CCSER1: variants seen among roughly 807,000 people sequenced by gnomAD.
CCSER1 encodes the protein serine-rich coiled-coil domain-containing protein 1.
Under a neutral mutation model 82.0 loss-of-function variants are expected in CCSER1, and 41 were observed. The ratio of observed to expected loss-of-function variants is 0.50; its 90% CI spans 0.39 to 0.65. CCSER1 has a LOEUF of 0.65. Ranked by LOEUF, CCSER1 falls within the 30% of genes least tolerant of loss-of-function variation. CCSER1 has a pLI of 0.00. For missense variants in CCSER1, 1,119 were observed against 1,064.2 expected, an observed-to-expected ratio of 1.05 and a Z score of -0.72; for synonymous variants, 414 against 383.9, an observed-to-expected ratio of 1.08 and a Z score of -0.92.
At chr4:91,271,934 A>G (rs4463033) in intron 10 of CCSER1, among the ~76,000 whole-genome samples, 13,407 of 152,090 alleles carry the variant, frequency 0.088, 732 homozygotes, top group African/African-American at 0.15. Flanking sequence ...TTGTATTTTT[A>G]GTAAAGACAG....
At chr4:91,031,766 T>G (rs182711676) in intron 9 of CCSER1, among the ~76,000 whole-genome samples, 348 of 152,268 alleles carry the variant, frequency 2.3e-3, no homozygotes, top group African/African-American at 7.0e-3. Context: ...TACCACAGAT[T>G]GTTTATAGCA....
chr4:90,169,020 T>G (rs1731099564), intron 1 of CCSER1, among the ~76,000 whole-genome samples: 1 of 151,962 alleles, frequency 6.6e-6, no homozygotes, highest in Non-Finnish European at 1.5e-5. Flanking sequence ...AAGAAAGTCA[T>G]TGGTAGCTTG....
intron 9 of CCSER1, among the ~76,000 whole-genome samples, chr4:90,954,854 C>G (rs768351510): frequency 4.6e-5 from 7 of 152,078 alleles, no homozygotes; most frequent in Non-Finnish European, 1.0e-4. Context: ...TCTAACTTCT[C>G]TCTTCATACA....
intron 9 of CCSER1, among the ~76,000 whole-genome samples, chr4:90,984,285 C>A (rs1317718683): frequency 6.6e-6 from 1 of 151,672 alleles, no homozygotes; most frequent in Non-Finnish European, 1.5e-5. Flanking sequence ...CTCACAATAA[C>A]CTTAAAGAAA....
At chr4:90,411,413 A>T (rs554937729) in intron 4 of CCSER1, among the ~76,000 whole-genome samples, 4 of 152,320 alleles carry the variant, frequency 2.6e-5, no homozygotes, top group Admixed American at 2.6e-4. Flanking sequence ...ACACATCAAA[A>T]TCTTATCCAC....
chr4:90,798,055 C>T lies in CCSER1; in HGVS notation c.2011-17707C>T, dbSNP rs148053189. Among the ~76,000 whole-genome samples the T allele has an allele frequency of 5.5e-3, 840 of 152,262 alleles. 6 individuals carry two copies. The highest frequency in any genetic ancestry group is 0.02 in the African/African-American group (818 of 41,546). On this transcript the variant is annotated intron_variant, in intron 7 of 10. Transcript: ENST00000509176. ...GTTGCTGAAGTTCTCATGGATAATACTCTGATTTATGTTTTCCAAGTTGGC... is the reference window on the plus strand; with the variant it reads ...GTTGCTGAAGTTCTCATGGATAATATTCTGATTTATGTTTTCCAAGTTGGC...
At chr4:90,846,965 G>A (rs938887805) in intron 8 of CCSER1, among the ~76,000 whole-genome samples, 9 of 152,058 alleles carry the variant, frequency 5.9e-5, no homozygotes, top group African/African-American at 2.4e-5. Flanking sequence ...GAAATATTAT[G>A]TTTATTATGT....
intron 3 of CCSER1, among the ~76,000 whole-genome samples, chr4:90,397,567 T>C (rs895031561): frequency 3.9e-5 from 6 of 152,144 alleles, no homozygotes; most frequent in Admixed American, 2.0e-4. Context: ...CTTAGACTGG[T>C]CTTGACTACA....
At chr4:91,109,316 A>G (rs1354860175) in intron 10 of CCSER1, among the ~76,000 whole-genome samples, 2 of 152,060 alleles carry the variant, frequency 1.3e-5, no homozygotes, top group East Asian at 1.9e-4. Context: ...TGATGTATCA[A>G]TCTATCATGT....
chr4:90,325,662 A>T lies in CCSER1; in HGVS notation c.1509+12615A>T, dbSNP rs189475938. The T allele has an allele frequency of 2.9e-5, 13 of 449,204 alleles. No individual in the cohort carries two copies. In the East Asian group the frequency reaches 7.0e-4, roughly 24 times the overall value. The allele number at this position is 449,204 out of a possible 1,614,324, so 27.8% of individuals were successfully genotyped here. Reference sequence around the variant, plus strand: ...AATTTGCAGCACAGAATTGACCTTCAGTAAACTAACTACCTGTTCTGAGGT... The same window carrying T: ...AATTTGCAGCACAGAATTGACCTTCTGTAAACTAACTACCTGTTCTGAGGT... On this transcript the variant is annotated intron_variant, in intron 3 of 10. Coordinates refer to ENST00000509176, the MANE Select transcript of CCSER1 (RefSeq NM_001145065.2).
intron 4 of CCSER1, among the ~76,000 whole-genome samples, chr4:90,408,194 T>A (rs760149402): frequency 2.0e-5 from 3 of 152,174 alleles, no homozygotes; most frequent in Non-Finnish European, 1.5e-5. Context: ...CTCTGTAGGC[T>A]CCACCTATGG....
At chr4:91,367,893 A>C (rs1007049947) in intron 10 of CCSER1, among the ~76,000 whole-genome samples, 4 of 152,180 alleles carry the variant, frequency 2.6e-5, no homozygotes, top group African/African-American at 9.7e-5. Context: ...ATTCTCAAGA[A>C]ATATCTGGCA....
intron 5 of CCSER1, among the ~76,000 whole-genome samples, chr4:90,575,260 A>G (rs1780608696): frequency 6.6e-6 from 1 of 152,354 alleles, no homozygotes; most frequent in South Asian, 2.1e-4. Context: ...GTCCAAGAGC[A>G]TGTCACAGGG....
intron 10 of CCSER1, among the ~76,000 whole-genome samples, chr4:91,213,169 TTGAA>T (rs1345671375): frequency 6.6e-6 from 1 of 152,318 alleles, no homozygotes; most frequent in East Asian, 1.9e-4. Flanking sequence ...TTCCATGTCT[TTGAA>T]TGGAACTGGA....
intron 10 of CCSER1, among the ~76,000 whole-genome samples, chr4:91,335,278 C>G (rs1747240611): frequency 6.6e-6 from 1 of 152,046 alleles, no homozygotes; most frequent in African/African-American, 2.4e-5. Context: ...CCCCAGTGAA[C>G]TTGCCCACGC....
intron 9 of CCSER1, among the ~76,000 whole-genome samples, chr4:90,972,587 C>A (rs961782150): frequency 1.3e-5 from 2 of 151,310 alleles, no homozygotes; most frequent in Non-Finnish European, 3.0e-5. Context: ...TCTTAAAATA[C>A]CTGTAGTACA....
intron 9 of CCSER1, among the ~76,000 whole-genome samples, chr4:91,049,162 CA>C (rs1469742974): frequency 6.6e-6 from 1 of 152,100 alleles, no homozygotes; most frequent in African/African-American, 2.4e-5. Flanking sequence ...AGAAGGCCAA[CA>C]AAATAAGCAA....
intron 7 of CCSER1, among the ~76,000 whole-genome samples, chr4:90,812,250 C>G (rs192088595): frequency 6.6e-6 from 1 of 152,258 alleles, no homozygotes; most frequent in Non-Finnish European, 1.5e-5. Context: ...TGTGCCCCCC[C>G]AGATTAAGGG....
At chr4:90,887,418 G>A (rs1217882345) in intron 8 of CCSER1, among the ~76,000 whole-genome samples, 1 of 152,110 alleles carries the variant, frequency 6.6e-6, no homozygotes, top group African/African-American at 2.4e-5. Context: ...TTGTTACTGG[G>A]TAAATTGAAG....
Sources: allele counts gnomAD v4.1 joint callset (sites outside exome capture counted in the v4.1 genomes callset), GRCh38; gene constraint gnomAD v4.1.1; transcripts MANE v1.5; gene names NCBI Gene and HGNC (gene_info 2026-07-23, HGNC 2026-07-21).